Variants in MAF observed in about 807,000 individuals in gnomAD.
The protein encoded by MAF is MAF bZIP transcription factor, also known as transcription factor Maf.
MAF carries 10 observed loss-of-function variants against 22.0 expected under a neutral mutation model. That is an observed-to-expected ratio of 0.45 (90% CI 0.28 to 0.77). The LOEUF is 0.77. Among genes scored for constraint, MAF ranks in the 30% least tolerant of loss-of-function variants. The pLI is 0.12. For missense variants in MAF, 544 were observed against 548.4 expected (o/e 0.99, Z 0.08); for synonymous variants, 337 against 255.8 (o/e 1.32, Z -3.03).
the MAF span, among the ~76,000 whole-genome samples, chr16:79,518,359 G>C: frequency 1.3e-5 from 2 of 152,206 alleles, no homozygotes; most frequent in Non-Finnish European, 2.9e-5. Context: ...TCTCAACAGT[G>C]AGCTCCCTGG....
chr16:79,238,058 C>T, the MAF span, among the ~76,000 whole-genome samples: 1 of 152,104 alleles, frequency 6.6e-6, no homozygotes, highest in African/African-American at 2.4e-5. Context: ...TCTCCTCTCA[C>T]CCAGGCATGC....
chr16:79,475,922 G>A, the MAF span, among the ~76,000 whole-genome samples: 1 of 152,040 alleles, frequency 6.6e-6, no homozygotes, highest in South Asian at 2.1e-4. Flanking sequence ...AATATGATGG[G>A]ATATTATTCC....
At chr16:79,546,070 T>C in the MAF span, among the ~76,000 whole-genome samples, 2 of 152,052 alleles carry the variant, frequency 1.3e-5, no homozygotes, top group East Asian at 1.9e-4. Flanking sequence ...AAATAAAATA[T>C]ATCACTACAT....
chr16:79,571,990 A>T, the MAF span, among the ~76,000 whole-genome samples: 2 of 152,352 alleles, frequency 1.3e-5, no homozygotes, highest in East Asian at 1.9e-4. Context: ...CTAAGAAAAG[A>T]CTATGACTGC....
At chr16:79,443,088 G>A in the MAF span, among the ~76,000 whole-genome samples, 1 of 152,310 alleles carries the variant, frequency 6.6e-6, no homozygotes, top group African/African-American at 2.4e-5. Flanking sequence ...AGATCATTCT[G>A]CTGGAGGGAC....
chr16:79,241,855 C>T, the MAF span, among the ~76,000 whole-genome samples: 1 of 152,050 alleles, frequency 6.6e-6, no homozygotes, highest in Non-Finnish European at 1.5e-5. Flanking sequence ...TCTGCAAAAA[C>T]ACTACAAGCC....
chr16:79,375,077 C>A, the MAF span, among the ~76,000 whole-genome samples: 1 of 152,112 alleles, frequency 6.6e-6, no homozygotes, highest in Non-Finnish European at 1.5e-5. Context: ...TCTTGGTGAT[C>A]ATTTGTAGAA....
chr16:79,554,044 A>G, the MAF span, among the ~76,000 whole-genome samples: 1 of 152,158 alleles, frequency 6.6e-6, no homozygotes, highest in Non-Finnish European at 1.5e-5. Context: ...AGCTGAGATC[A>G]TGCCACTGGA....
the MAF span, among the ~76,000 whole-genome samples, chr16:79,255,959 T>G: frequency 2.0e-5 from 3 of 147,884 alleles, no homozygotes; most frequent in Admixed American, 6.8e-5. Context: ...TCTTTTCTTT[T>G]CTTTTCTTTT....
the MAF span, among the ~76,000 whole-genome samples, chr16:79,486,971 T>G: frequency 6.6e-6 from 1 of 152,204 alleles, no homozygotes; most frequent in South Asian, 2.1e-4. Flanking sequence ...CTAAATCTGC[T>G]GCCCAGATTT....
At chr16:79,266,609 G>A in the MAF span, among the ~76,000 whole-genome samples, 1 of 152,170 alleles carries the variant, frequency 6.6e-6, no homozygotes, top group Non-Finnish European at 1.5e-5. Flanking sequence ...CTCTGATGCT[G>A]CACTTTTATT....
At chr16:79,564,690 T>C in the MAF span, among the ~76,000 whole-genome samples, 3 of 152,214 alleles carry the variant, frequency 2.0e-5, no homozygotes, top group Non-Finnish European at 4.4e-5. Flanking sequence ...TTTATTCAGG[T>C]CTGCCCAGAC....
chr16:79,368,773 C>G, the MAF span, among the ~76,000 whole-genome samples: 6 of 152,288 alleles, frequency 3.9e-5, no homozygotes, highest in African/African-American at 1.2e-4. Context: ...CCTCTGATAT[C>G]CCACAGCTAA....
At chr16:79,279,604 C>T in the MAF span, among the ~76,000 whole-genome samples, 1 of 152,024 alleles carries the variant, frequency 6.6e-6, no homozygotes, top group African/African-American at 2.4e-5. Flanking sequence ...GCACTGACCC[C>T]TCACCCCTGC....
chr16:79,366,201 C>T, the MAF span, among the ~76,000 whole-genome samples: 1 of 152,092 alleles, frequency 6.6e-6, no homozygotes, highest in Non-Finnish European at 1.5e-5. Context: ...TCTGAAACCC[C>T]AAGGAAAAAG....
the MAF span, among the ~76,000 whole-genome samples, chr16:79,466,943 G>A: frequency 3.3e-5 from 5 of 152,210 alleles, no homozygotes; most frequent in Non-Finnish European, 5.9e-5. Context: ...TTCCAGAGGG[G>A]AACAGAATCT....
chr16:79,378,417 T>C, the MAF span, among the ~76,000 whole-genome samples: 1 of 152,158 alleles, frequency 6.6e-6, no homozygotes, highest in Non-Finnish European at 1.5e-5. Context: ...AAACCAAGCT[T>C]GGCGAAACAA....
At chr16:79,514,272 T>C in the MAF span, among the ~76,000 whole-genome samples, 1 of 152,244 alleles carries the variant, frequency 6.6e-6, no homozygotes, top group Non-Finnish European at 1.5e-5. Context: ...GACTTCCCAT[T>C]ACCTATCATT....
At chr16:79,220,273 A>AT in the MAF span, among the ~76,000 whole-genome samples, 3 of 150,890 alleles carry the variant, frequency 2.0e-5, no homozygotes, top group Non-Finnish European at 3.0e-5. Flanking sequence ...AAAAAAAAAA[A>AT]AGTTAAAGTT....
Sources: allele counts gnomAD v4.1 joint callset (sites outside exome capture counted in the v4.1 genomes callset), GRCh38; gene constraint gnomAD v4.1.1; transcripts MANE v1.5; gene names NCBI Gene and HGNC (gene_info 2026-07-23, HGNC 2026-07-21).